Variants in EHMT2 observed in about 807,000 individuals in gnomAD.
EHMT2 encodes histone-lysine N-methyltransferase EHMT2.
A neutral mutation model predicts 143.3 loss-of-function variants in EHMT2; 59 were observed. The ratio of observed to expected loss-of-function variants is 0.41; its 90% CI spans 0.33 to 0.51. The LOEUF is 0.51. Among genes scored for constraint, EHMT2 ranks in the 20% least tolerant of loss-of-function variants. EHMT2 has a pLI of 0.18. For synonymous variants in EHMT2, 604 were observed against 651.5 expected (o/e 0.93, Z 1.11); for missense variants, 1,174 against 1,645.9 (o/e 0.71, Z 4.96).
chr6:31,883,419 G>C lies in EHMT2; in HGVS notation c.2937C>G (p.Asp979Glu). ...CGCACAGGCAGTTGGAGCTAGAGCA[G>C]TCGTCCACACACGTGCAGTGCTGGG... is the stretch of plus-strand genomic sequence containing the variant. Residue 979 changes from aspartate (D) to glutamate (E), a missense_variant, in exon 23 of 28, where the codon GAC becomes GAG. Asp to Glu is a conservative substitution (Grantham distance 45). Transcript: ENST00000375537. This position sits in a 1 kb window ranked among gnomAD's most constrained non-coding sequence, Gnocchi z 5.6. The C allele has an allele frequency of 6.2e-7, 1 of 1,612,906 alleles. No individual in the cohort carries two copies. The highest frequency in any genetic ancestry group is 8.5e-7 in the Non-Finnish European group (1 of 1,179,930).
At chr6:31,893,072 G>A (rs1187765647) in intron 4 of EHMT2, 162 bp from the exon 5 acceptor site, 13 of 585,536 alleles carry the variant, frequency 2.2e-5, no homozygotes, top group Non-Finnish European at 3.6e-5. Flanking sequence ...TATTTCCTCA[G>A]AGGAAGAGTG....
Position 31,888,133 on chromosome 6 carries a change from A to T in EHMT2, c.1653T>A (p.Gly551=). 6.2e-7 allele frequency: 1 copy of T among 1,612,276 alleles called. No individual in the cohort carries two copies. Among genetic ancestry groups the T allele is most frequent in the Non-Finnish European group, 8.5e-7 (1 of 1,179,778 alleles). ...TGCCGGCCGGTGGGGTCACCCCGTC[A>T]CCCCGGGGGATGGTCACCTCTTGAG... Residue 551 remains glycine, a synonymous_variant, in exon 13 of 28, where the codon GGT becomes GGA. Transcript: ENST00000375537. The surrounding 1 kb of genome is among the most constrained non-coding windows in gnomAD (Gnocchi z 7.4).
In EHMT2 at chr6:31,884,570, G is replaced by A. The variant is rs1166082126; in HGVS notation, c.2604-11C>T. The A allele has an allele frequency of 1.9e-6, 3 of 1,612,422 alleles. No individual in the cohort carries two copies. Among genetic ancestry groups the A allele is most frequent in the Non-Finnish European group, 2.5e-6 (3 of 1,179,752 alleles). On this transcript the variant is annotated splice_polypyrimidine_tract_variant and intron_variant, in intron 20 of 27. Coordinates refer to ENST00000375537, the Ensembl canonical transcript of EHMT2. This position sits in a 1 kb window ranked among gnomAD's most constrained non-coding sequence, Gnocchi z 7.3. ...CGTGACAGGAATAACCTGAAGAGGG[G>A]ACAGGATGCCCAATGCAGGGTCTGA... is the stretch of plus-strand genomic sequence containing the variant.
At chr6:31,887,200 A>T (rs1764984689) in intron 15 of EHMT2, 99 bp from the exon 16 acceptor site, 2 of 1,008,646 alleles carry the variant, frequency 2.0e-6, no homozygotes, top group South Asian at 3.2e-5. Flanking sequence ...TCAGGGCCCC[A>T]AGCTGGATCA....
chr6:31,882,738 C>T (rs769569701), exon 25 of EHMT2: 22 of 1,612,484 alleles, frequency 1.4e-5, no homozygotes, highest in East Asian at 2.2e-5. Context: ...CTGCAGGGCG[C>T]GGACCCCCCA....
At chr6:31,892,203 T>C (rs1226269956) in intron 7 of EHMT2, among the ~76,000 whole-genome samples, 1 of 152,104 alleles carries the variant, frequency 6.6e-6, no homozygotes. Context: ...GATCGTGATA[T>C]TGCGCTCCAG....
Position 31,880,596 on chromosome 6 carries a change from C to G in EHMT2, c.3452+77G>C. ...CTACTCCATGCCTGGACACCAGGTA[C>G]ATGCCAGCCTTCAGGTCCCAGGTTT... On this transcript the variant is annotated intron_variant, in intron 27 of 27. Coordinates refer to ENST00000375537, the Ensembl canonical transcript of EHMT2. The surrounding 1 kb of genome is among the most constrained non-coding windows in gnomAD (Gnocchi z 6.6). 6.8e-7 allele frequency: 1 copy of G among 1,481,342 alleles called. No individual in the cohort carries two copies. Among genetic ancestry groups the G allele is most frequent in the Non-Finnish European group, 9.3e-7 (1 of 1,073,320 alleles). 91.8% of individuals were successfully genotyped at this position (1,481,342 alleles called of 1,614,324 possible). A position where few individuals can be genotyped will look rare whatever the true frequency, so the allele number is the denominator to read the frequency against.
Position 31,885,023 on chromosome 6 carries a change from G to A in EHMT2, c.2344-7C>T. ...GCGTCCACCCCCCACTGTCCTGTGGGTGGGAAGGGAGTGAGGGTGGGGGCA... is the reference window on the plus strand; with the variant it reads ...GCGTCCACCCCCCACTGTCCTGTGGATGGGAAGGGAGTGAGGGTGGGGGCA... On this transcript the variant is annotated splice_region_variant and splice_polypyrimidine_tract_variant and intron_variant, in intron 18 of 27. Coordinates refer to ENST00000375537, the Ensembl canonical transcript of EHMT2. 6.2e-7 allele frequency: 1 copy of A among 1,600,392 alleles called. No individual in the cohort carries two copies. The highest frequency in any genetic ancestry group is 8.5e-7 in the Non-Finnish European group (1 of 1,170,238).
At chr6:31,896,172 TGAGTAAATG>T in intron 4 of EHMT2, 82 bp downstream of exon 4, 1 of 1,504,734 alleles carries the variant, frequency 6.6e-7, no homozygotes, top group Middle Eastern at 1.8e-4. Context: ...AATATGTGAA[TGAGTAAATG>T]GAGTAGAAGC....
At position 31,880,070 on chromosome 6, in the gene EHMT2, G is replaced by GGT. The variant is rs1554258484; in HGVS notation, c.*12_*13dup. Reference sequence around the variant, plus strand: ...GTGGCCATCCATGCTGGGGAGAGAGGGTGTGGTCCGTTCTCATGTGTTGAC... The same window carrying GGT: ...GTGGCCATCCATGCTGGGGAGAGAGGGTGTGTGGTCCGTTCTCATGTGTTGAC... On this transcript the variant is annotated 3_prime_UTR_variant, in exon 28 of 28. Transcript: ENST00000375537. This position sits in a 1 kb window ranked among gnomAD's most constrained non-coding sequence, Gnocchi z 6.6. 8 of 1,609,086 alleles carry GGT rather than the reference G, an allele frequency of 5.0e-6. No homozygotes were observed. Among genetic ancestry groups the GGT allele is most frequent in the Non-Finnish European group, 6.8e-6 (8 of 1,177,936 alleles).
intron 18 of EHMT2, chr6:31,886,243 G>A (rs1312681684): frequency 1.0e-5 from 3 of 297,700 alleles, no homozygotes; most frequent in Non-Finnish European, 1.9e-5. Flanking sequence ...CTCTTAAAGG[G>A]GCTTCTTCTG....
chr6:31,896,069 C>G, intron 4 of EHMT2, 194 bp downstream of exon 4: 1 of 660,148 alleles, frequency 1.5e-6, no homozygotes, highest in Non-Finnish European at 2.4e-6. Flanking sequence ...CTTTCACCAC[C>G]CAAGAATGTA....
chr6:31,896,536 A>G lies in EHMT2; in HGVS notation c.329-20T>C. On this transcript the variant is annotated intron_variant, in intron 3 of 27. Transcript: ENST00000375537. ...CATGGCCTAGAAAACAGGCAAGCAA[A>G]AGGCAAGATAAGAAAGAAGGCAAGA... The G allele has an allele frequency of 6.2e-7, 1 of 1,610,688 alleles. No individual in the cohort carries two copies. The highest frequency in any genetic ancestry group is 8.5e-7 in the Non-Finnish European group (1 of 1,178,588).
rs753548578 is a variant in EHMT2 at position 31,889,177 on chromosome 6, G to A, written c.1114+51C>T. ...CGTGTGTGTGCGTGCACACACTCTG[G>A]GGGGCCGGGCGGGGGCTGGAGGGCA... On this transcript the variant is annotated intron_variant, in intron 9 of 27. Transcript: ENST00000375537. The surrounding 1 kb of genome is among the most constrained non-coding windows in gnomAD (Gnocchi z 5.1). 6.4e-7 allele frequency: 1 copy of A among 1,562,734 alleles called. No homozygotes were observed. The highest frequency in any genetic ancestry group is 8.7e-7 in the Non-Finnish European group (1 of 1,151,938).
At chr6:31,893,957 T>C (rs188712229) in intron 4 of EHMT2, among the ~76,000 whole-genome samples, 15 of 152,264 alleles carry the variant, frequency 9.9e-5, no homozygotes, top group African/African-American at 3.6e-4. Context: ...TTAAATTATA[T>C]ACTTAAAAAT....
rs762689540 is a variant in EHMT2, at chr6:31,881,143, G to A, written c.3198-51C>T. 5.3e-6 allele frequency: 8 copies of A among 1,505,190 alleles called. No homozygotes were observed. The highest frequency in any genetic ancestry group is 1.7e-5 in the Admixed American group (1 of 59,834). 93.2% of individuals were successfully genotyped at this position (1,505,190 alleles called of 1,614,324 possible). The stretch of plus-strand genomic sequence containing the variant: ...GAAGGTGAGTGTGGGCTATTAGGAG[G>A]TGGCTCCAGGCCCCATCTCTCTTCA... On this transcript the variant is annotated intron_variant, in intron 25 of 27. Transcript: ENST00000375537. This position sits in a 1 kb window ranked among gnomAD's most constrained non-coding sequence, Gnocchi z 4.8.
At chr6:31,897,476 C>A (rs1202866884) in intron 1 of EHMT2, among the ~76,000 whole-genome samples, 160 bp downstream of exon 1, 1 of 150,044 alleles carries the variant, frequency 6.7e-6, no homozygotes, top group African/African-American at 2.4e-5. Context: ...CCTCCCACAC[C>A]CTGGTCCCCT....
exon 25 of EHMT2, chr6:31,882,784 C>T: frequency 6.2e-7 from 1 of 1,612,428 alleles, no homozygotes; most frequent in Non-Finnish European, 8.5e-7. Flanking sequence ...TGTAGCCGCA[C>T]CCTGGGGGTA....
rs369022743 is a variant in EHMT2, at chr6:31,888,973, G to T, written c.1212C>A (p.His404Gln). ...GTCCCGGCAATTGGCAATTACCAGC[G>T]TGGTTGGGGGAGAGGGTCCCCTCGC... is the stretch of plus-strand genomic sequence containing the variant. The change falls in exon 10 of 28, where the codon CAC becomes CAA. Residue 404 changes from histidine to glutamine, a missense_variant. Physicochemically the swap from His to Gln is conservative, Grantham distance 24 (BLOSUM62 0). Around this residue, in one of 6 missense-constraint regions of EHMT2, gnomAD observed 608 missense variants for 903.7 expected, o/e 0.67. Coordinates refer to ENST00000375537, the Ensembl canonical transcript of EHMT2. This position sits in a 1 kb window ranked among gnomAD's most constrained non-coding sequence, Gnocchi z 7.4. 1.3e-6 allele frequency: 2 copies of T among 1,598,198 alleles called. No homozygotes were observed. The highest frequency in any genetic ancestry group is 1.8e-5 in the Admixed American group (1 of 56,774).
Sources: allele counts gnomAD v4.1 joint callset (sites outside exome capture counted in the v4.1 genomes callset), GRCh38; gene constraint gnomAD v4.1.1; regional missense constraint gnomAD v4.1.1; non-coding constraint Gnocchi (gnomAD v3.1); transcripts MANE v1.5; gene names NCBI Gene and HGNC (gene_info 2026-07-23, HGNC 2026-07-21).